Variants in TTLL5 observed in about 807,000 individuals in gnomAD.
TTLL5 encodes the protein tubulin tyrosine ligase like 5.
In TTLL5, 132 loss-of-function variants were observed where a neutral mutation model predicts 168.4. That is an observed-to-expected ratio of 0.78 (90% CI 0.68 to 0.91). The LOEUF is 0.91. Among genes scored for constraint, TTLL5 ranks in the 40% least tolerant of loss-of-function variants. The pLI is 0.00. For synonymous variants in TTLL5, 546 were observed against 558.6 expected (o/e 0.98, Z 0.32); for missense variants, 1,545 against 1,581.5 (o/e 0.98, Z 0.39).
chr14:75,775,656 G>A, intron 22 of TTLL5, 26 bp downstream of exon 22: 1 of 1,612,754 alleles, frequency 6.2e-7, no homozygotes. Flanking sequence ...TTAGTCTTGT[G>A]CTTTGGATTG....
intron 13 of TTLL5, among the ~76,000 whole-genome samples, chr14:75,732,981 G>A (rs1250839554): frequency 6.6e-6 from 1 of 152,146 alleles, no homozygotes; most frequent in Non-Finnish European, 1.5e-5. Flanking sequence ...TATTATATTT[G>A]CAGCTACAGC....
chr14:75,844,275 A>G (rs535992261), intron 28 of TTLL5, among the ~76,000 whole-genome samples: 7 of 152,262 alleles, frequency 4.6e-5, no homozygotes, highest in East Asian at 1.9e-4. Context: ...TGTATGTTCA[A>G]TTGCTCCAAC....
At chr14:75,763,183 ATCTT>A (rs1164389939) in intron 18 of TTLL5, among the ~76,000 whole-genome samples, 1 of 152,044 alleles carries the variant, frequency 6.6e-6, no homozygotes, top group Non-Finnish European at 1.5e-5. Flanking sequence ...AAATGATTTT[ATCTT>A]TCTATCAGAT....
rs1014119300 is a variant in TTLL5, at chr14:75,821,456, T to C, written c.3326+1295T>C. On this transcript the variant is annotated intron_variant, in intron 28 of 31. Transcript: ENST00000298832. ...CAGATATTCCATTTTCATTTTAAAT[T>C]CAGAGCCTTGTTTTTATGGAAGACA... is the stretch of plus-strand genomic sequence containing the variant. 2.0e-5 allele frequency among the ~76,000 whole-genome samples: 3 copies of C among 152,222 alleles called. No homozygotes were observed. The East Asian group carries it at 5.8e-4, about 29-fold the overall frequency.
At chr14:75,724,514 T>G (rs1312994053) in intron 12 of TTLL5, among the ~76,000 whole-genome samples, 1 of 152,206 alleles carries the variant, frequency 6.6e-6, no homozygotes, top group Non-Finnish European at 1.5e-5. Flanking sequence ...TTAATGCTTT[T>G]TCCTAGATTT....
intron 12 of TTLL5, among the ~76,000 whole-genome samples, chr14:75,731,186 A>G (rs1888509721): frequency 6.6e-6 from 1 of 152,108 alleles, no homozygotes; most frequent in South Asian, 2.1e-4. Context: ...ATTTCTGGAA[A>G]ATACCTCGTT....
At chr14:75,701,155 A>G (rs534397822) in intron 7 of TTLL5, among the ~76,000 whole-genome samples, 5 of 152,182 alleles carry the variant, frequency 3.3e-5, no homozygotes, top group Admixed American at 2.6e-4. Context: ...ATTTCCAGAA[A>G]CTCATATTCT....
At chr14:75,780,817 T>C (rs138344151) in intron 24 of TTLL5, among the ~76,000 whole-genome samples, 15 of 152,362 alleles carry the variant, frequency 9.8e-5, no homozygotes, top group African/African-American at 3.1e-4. Flanking sequence ...ATCCAGCCCT[T>C]TTCTTTGAGT....
At chr14:75,906,250 C>G (rs1001904820) in intron 31 of TTLL5, among the ~76,000 whole-genome samples, 1 of 152,200 alleles carries the variant, frequency 6.6e-6, no homozygotes, top group East Asian at 1.9e-4. Flanking sequence ...GATTCTTACT[C>G]TTTTCACCAC....
intron 3 of TTLL5, among the ~76,000 whole-genome samples, chr14:75,678,928 T>C (rs987560125): frequency 6.6e-6 from 1 of 152,210 alleles, no homozygotes; most frequent in African/African-American, 2.4e-5. Flanking sequence ...CTCTCCCCAT[T>C]GGTATCTACT....
intron 27 of TTLL5, among the ~76,000 whole-genome samples, chr14:75,808,731 G>A (rs1893798014): frequency 1.3e-5 from 2 of 152,066 alleles, no homozygotes; most frequent in South Asian, 4.2e-4. Flanking sequence ...GAGCCCCATG[G>A]CTGCAGGAAT....
At chr14:75,801,300 A>G (rs981647253) in intron 27 of TTLL5, among the ~76,000 whole-genome samples, 1 of 152,056 alleles carries the variant, frequency 6.6e-6, no homozygotes, top group Non-Finnish European at 1.5e-5. Flanking sequence ...GTCACCAGGG[A>G]AGTAGGGGAA....
At chr14:75,708,102 A>G (rs1184403359) in intron 9 of TTLL5, among the ~76,000 whole-genome samples, 2 of 152,214 alleles carry the variant, frequency 1.3e-5, no homozygotes, top group African/African-American at 2.4e-5. Flanking sequence ...GTATTTGCCT[A>G]TTATATGCCA....
intron 12 of TTLL5, among the ~76,000 whole-genome samples, chr14:75,727,633 A>G (rs1888262995): frequency 6.6e-6 from 1 of 152,236 alleles, no homozygotes; most frequent in South Asian, 2.1e-4. Flanking sequence ...AAAACTCACC[A>G]AAATGTATAC....
Position 75,847,147 on chromosome 14 carries a change from G to A in TTLL5, c.3327-16520G>A, listed in dbSNP as rs950350631. Among the ~76,000 whole-genome samples the A allele has an allele frequency of 2.6e-5, 4 of 151,842 alleles. 1 individual carries two copies. The highest frequency in any genetic ancestry group is 9.7e-5 in the African/African-American group (4 of 41,198). On this transcript the variant is annotated intron_variant, in intron 28 of 31. Coordinates refer to ENST00000298832, the MANE Select transcript of TTLL5 (RefSeq NM_015072.5). ...CTCCCAAGTAGCTGGGATTATAGGT[G>A]CCCACCACCACACCTGGCTAATTTT...
intron 5 of TTLL5, among the ~76,000 whole-genome samples, chr14:75,688,349 A>G (rs1160638616): frequency 6.6e-6 from 1 of 152,222 alleles, no homozygotes; most frequent in African/African-American, 2.4e-5. Context: ...GGGTAACAGA[A>G]TACATGGAGA....
chr14:75,754,429 T>A lies in TTLL5; in HGVS notation c.1550+1474T>A, dbSNP rs557198061. On this transcript the variant is annotated intron_variant, in intron 18 of 31. Coordinates refer to ENST00000298832, the MANE Select transcript of TTLL5 (RefSeq NM_015072.5). ...ATTTAGAAGTAATGAACTGTTTGCT[T>A]AAGACAGGTAGTTTGCTTCACAGGT... is the stretch of plus-strand genomic sequence containing the variant. Among the ~76,000 whole-genome samples, 5 of 152,324 alleles carry A rather than the reference T, an allele frequency of 3.3e-5. No individual in the cohort carries two copies. The South Asian group carries it at 1.0e-3, about 32-fold the overall frequency.
At chr14:75,712,770 A>G (rs1887175695) in intron 9 of TTLL5, among the ~76,000 whole-genome samples, 1 of 152,186 alleles carries the variant, frequency 6.6e-6, no homozygotes, top group African/African-American at 2.4e-5. Flanking sequence ...TGATCAAATT[A>G]TCTTGATCAC....
chr14:75,904,346 TGTGA>T, intron 31 of TTLL5: 1 of 816,036 alleles, frequency 1.2e-6, no homozygotes, highest in Non-Finnish European at 1.5e-6. Flanking sequence ...GAAGGATTTC[TGTGA>T]GATACCCTAT....
Sources: gnomAD v4.1 joint callset for allele counts (sites outside exome capture counted in the v4.1 genomes callset) on GRCh38, gnomAD v4.1.1 for gene constraint, MANE v1.5 for transcripts, NCBI Gene and HGNC (gene_info 2026-07-23, HGNC 2026-07-21) for gene names.